C8orf34: variants seen among roughly 807,000 people sequenced by gnomAD.
C8orf34 encodes uncharacterized protein C8orf34.
A neutral mutation model predicts 68.3 loss-of-function variants in C8orf34; 65 were observed. The observed-to-expected ratio is 0.95, with a 90% CI of 0.78 to 1.17. The LOEUF is 1.17. C8orf34 is among the 50% of genes most tolerant of loss of function. The pLI, the probability that C8orf34 is intolerant of heterozygous loss-of-function variation, is 0.00. For synonymous variants in C8orf34, 244 were observed against 241.2 expected (o/e 1.01, Z -0.11); for missense variants, 664 against 655.4 (o/e 1.01, Z -0.14).
intron 1 of C8orf34, among the ~76,000 whole-genome samples, chr8:68,373,444 G>A (rs573906518): frequency 3.0e-4 from 46 of 152,044 alleles, no homozygotes; most frequent in African/African-American, 1.0e-3. Context: ...CTCTTATATC[G>A]GCTACTGTGG....
intron 2 of C8orf34, among the ~76,000 whole-genome samples, chr8:68,439,863 G>A (rs1586144881): frequency 6.6e-6 from 1 of 152,086 alleles, no homozygotes; most frequent in Non-Finnish European, 1.5e-5. Context: ...TCAGCATTTT[G>A]CATTTTAATA....
At chr8:68,525,844 G>T (rs538353319) in intron 6 of C8orf34, 4 of 377,664 alleles carry the variant, frequency 1.1e-5, no homozygotes, top group South Asian at 9.9e-5. Flanking sequence ...CCTGGTGTTT[G>T]TCTCTCTTTT....
chr8:68,757,230 C>A (rs564064600), intron 10 of C8orf34, among the ~76,000 whole-genome samples: 1 of 152,130 alleles, frequency 6.6e-6, no homozygotes, highest in East Asian at 1.9e-4. Context: ...AACAAGAGAG[C>A]TCTGCAGGTC....
intron 11 of C8orf34, among the ~76,000 whole-genome samples, chr8:68,781,121 A>T (rs1823663689): frequency 6.6e-6 from 1 of 152,200 alleles, no homozygotes; most frequent in Admixed American, 6.5e-5. Flanking sequence ...TACTTAGTTG[A>T]TTCAGAATTA....
chr8:68,443,481 G>C (rs1810995080), intron 2 of C8orf34, among the ~76,000 whole-genome samples: 1 of 151,968 alleles, frequency 6.6e-6, no homozygotes, highest in Non-Finnish European at 1.5e-5. Flanking sequence ...TGCAACCTCT[G>C]CCTCCTGGGT....
chr8:68,814,542 AT>A (rs928885618), intron 12 of C8orf34, among the ~76,000 whole-genome samples: 11 of 150,360 alleles, frequency 7.3e-5, no homozygotes, highest in Non-Finnish European at 1.3e-4. Flanking sequence ...CAATCCAAAT[AT>A]TTTTTTGTAG....
At chr8:68,630,924 C>A (rs1818671029) in intron 7 of C8orf34, among the ~76,000 whole-genome samples, 2 of 148,844 alleles carry the variant, frequency 1.3e-5, no homozygotes, top group East Asian at 2.0e-4. Context: ...GGACCACAGG[C>A]ATGCCCCAAC....
intron 12 of C8orf34, among the ~76,000 whole-genome samples, chr8:68,798,255 G>A (rs967665061): frequency 7.0e-6 from 1 of 143,774 alleles, no homozygotes; most frequent in African/African-American, 2.6e-5. Flanking sequence ...CTTGCAAAGT[G>A]TTAGGATTAC....
intron 11 of C8orf34, among the ~76,000 whole-genome samples, chr8:68,785,632 G>A (rs1823823351): frequency 6.6e-6 from 1 of 152,052 alleles, no homozygotes; most frequent in South Asian, 2.1e-4. Flanking sequence ...ACACATTTAT[G>A]TTCTTTCTTT....
Position 68,428,135 on chromosome 8 carries a change from A to G in C8orf34, c.328-11364A>G, listed in dbSNP as rs551830083. ...TAATCTCAATATATAATTAGATACA[A>G]TGAAAATATCTTCAAGCTTAAAAAG... On this transcript the variant is annotated intron_variant, in intron 1 of 13. Coordinates refer to ENST00000518698, the MANE Select transcript of C8orf34 (RefSeq NM_052958.4). Among the ~76,000 whole-genome samples, 19 of 151,912 alleles carry G rather than the reference A, an allele frequency of 1.3e-4. No homozygotes were observed. In the South Asian group the frequency reaches 3.7e-3, roughly 30 times the overall value.
chr8:68,718,194 G>T (rs769704080), intron 9 of C8orf34, among the ~76,000 whole-genome samples: 1 of 151,960 alleles, frequency 6.6e-6, no homozygotes, highest in Non-Finnish European at 1.5e-5. Flanking sequence ...TACTTCCATT[G>T]GATTATATGC....
intron 2 of C8orf34, among the ~76,000 whole-genome samples, chr8:68,446,124 T>G (rs1444203713): frequency 6.6e-6 from 1 of 152,168 alleles, no homozygotes; most frequent in Non-Finnish European, 1.5e-5. Context: ...CTTAATCATA[T>G]GCATATATAA....
rs796946701 is a variant in C8orf34, at chr8:68,620,784, CT to C, written c.1106-19581del. Among the ~76,000 whole-genome samples, 1,164 of 145,156 alleles carry C rather than the reference CT, an allele frequency of 8.0e-3. 12 individuals are homozygous for C. Among genetic ancestry groups the C allele is most frequent in the African/African-American group, 0.025 (1,003 of 39,956 alleles). ...TAAGTGTCCATTAATTTAGTTTTAG[CT>C]TTTTTTTTTTCCCCCATTACCCAAT... On this transcript the variant is annotated intron_variant, in intron 7 of 13. Coordinates refer to ENST00000518698, the MANE Select transcript of C8orf34 (RefSeq NM_052958.4).
intron 7 of C8orf34, among the ~76,000 whole-genome samples, chr8:68,592,598 T>G (rs1432770679): frequency 3.8e-5 from 1 of 26,016 alleles, no homozygotes; most frequent in Admixed American, 3.7e-4. Flanking sequence ...TATCTCTTCT[T>G]TTTTTTTTTT....
chr8:68,607,584 A>G (rs76188321), intron 7 of C8orf34, among the ~76,000 whole-genome samples: 10,843 of 152,198 alleles, frequency 0.071, 552 homozygotes, highest in African/African-American at 0.14. Context: ...ACTGGGAGTT[A>G]GGACTTCAAC....
At chr8:68,585,976 T>C (rs527706107) in intron 7 of C8orf34, among the ~76,000 whole-genome samples, 19 of 152,164 alleles carry the variant, frequency 1.2e-4, no homozygotes, top group African/African-American at 4.6e-4. Flanking sequence ...GGGGATTACA[T>C]GGGAGTGTAA....
chr8:68,397,070 G>A (rs4346979), intron 1 of C8orf34, among the ~76,000 whole-genome samples: 69,202 of 151,578 alleles, frequency 0.46, 15,918 homozygotes, highest in Non-Finnish European at 0.5. Flanking sequence ...GCAGTGGCAC[G>A]ATCTTGGCTC....
chr8:68,340,568 T>C (rs962518108), intron 1 of C8orf34, among the ~76,000 whole-genome samples: 3 of 152,126 alleles, frequency 2.0e-5, no homozygotes, highest in African/African-American at 4.8e-5. Flanking sequence ...ATGCACATAA[T>C]TGACAACTTA....
At chr8:68,537,630 A>G (rs1026652844) in intron 7 of C8orf34, among the ~76,000 whole-genome samples, 1 of 152,018 alleles carries the variant, frequency 6.6e-6, no homozygotes, top group African/African-American at 2.4e-5. Context: ...ACTTGAGAAA[A>G]TGGTTTCTTT....
Sources: gnomAD v4.1 joint callset for allele counts (sites outside exome capture counted in the v4.1 genomes callset) on GRCh38, gnomAD v4.1.1 for gene constraint, MANE v1.5 for transcripts, NCBI Gene and HGNC (gene_info 2026-07-23, HGNC 2026-07-21) for gene names.